Variants in MAPK6 observed in about 807,000 individuals in gnomAD.
MAPK6 encodes ERK-3.
Under a neutral mutation model 59.3 loss-of-function variants are expected in MAPK6, and 19 were observed. The observed-to-expected ratio is 0.32, with a 90% CI of 0.22 to 0.47. The LOEUF is 0.47. Among genes scored for constraint, MAPK6 ranks in the 20% least tolerant of loss-of-function variants. The pLI, the probability that MAPK6 is intolerant of heterozygous loss-of-function variation, is 1.00. For synonymous variants in MAPK6, 316 were observed against 290.3 expected, an observed-to-expected ratio of 1.09 and a Z score of -0.90; for missense variants, 724 against 847.9, an observed-to-expected ratio of 0.85 and a Z score of 1.81.
chr15:51,984,815 C>T (rs1051685779), intron 2 of MAPK6, among the ~76,000 whole-genome samples: 1 of 152,130 alleles, frequency 6.6e-6, no homozygotes, highest in Non-Finnish European at 1.5e-5. Context: ...ACACAATCAG[C>T]TTAAATGGGC....
intron 2 of MAPK6, among the ~76,000 whole-genome samples, chr15:52,048,539 T>C (rs948418041): frequency 1.3e-5 from 2 of 151,836 alleles, no homozygotes; most frequent in Non-Finnish European, 1.5e-5. Flanking sequence ...ATCCAGGAGG[T>C]GGAGGTTGCA....
At chr15:52,013,020 A>AATATATATATATATATATATAT (rs71130116) in intron 3 of MAPK6, among the ~76,000 whole-genome samples, 2 of 19,112 alleles carry the variant, frequency 1.0e-4, no homozygotes, top group Non-Finnish European at 1.9e-4. Flanking sequence ...AAAAAAAAAA[A>AATATATATATATATATATATAT]ATATATATAT....
At chr15:52,010,718 C>T (rs558359245) in intron 3 of MAPK6, among the ~76,000 whole-genome samples, 49 of 152,176 alleles carry the variant, frequency 3.2e-4, no homozygotes, top group Non-Finnish European at 5.6e-4. Context: ...GGGATTTTAC[C>T]ATGTTGGCTA....
chr15:51,977,057 G>T (rs919026881), intron 1 of MAPK6, among the ~76,000 whole-genome samples: 7 of 151,278 alleles, frequency 4.6e-5, no homozygotes, highest in Non-Finnish European at 7.4e-5. Flanking sequence ...AGGCTGGAGT[G>T]CAGTGGTACG....
At chr15:52,041,761 G>A (rs570235890) in intron 1 of MAPK6, among the ~76,000 whole-genome samples, 2 of 152,138 alleles carry the variant, frequency 1.3e-5, no homozygotes, top group South Asian at 4.2e-4. Context: ...AGCATGAGAG[G>A]CCTCTGCCTT....
At chr15:51,974,140 T>C (rs575390075) in intron 1 of MAPK6, among the ~76,000 whole-genome samples, 7 of 151,918 alleles carry the variant, frequency 4.6e-5, no homozygotes, top group Admixed American at 4.6e-4. Context: ...CTTAAAAAAA[T>C]ATATAGAAAC....
At chr15:52,025,264 A>T (rs1040631911) in intron 1 of MAPK6, among the ~76,000 whole-genome samples, 19 of 152,140 alleles carry the variant, frequency 1.2e-4, no homozygotes, top group African/African-American at 4.6e-4. Context: ...ATAAATAAAA[A>T]TTAAAATGAT....
chr15:52,058,901 A>G, intron 4 of MAPK6, 104 bp downstream of exon 4: 1 of 956,002 alleles, frequency 1.0e-6, no homozygotes, highest in Non-Finnish European at 1.5e-6. Context: ...GCTTTCTCCA[A>G]AATAGTCTTT....
chr15:52,048,968 T>TA (rs1270231593), intron 2 of MAPK6, among the ~76,000 whole-genome samples: 1 of 152,200 alleles, frequency 6.6e-6, no homozygotes, highest in Non-Finnish European at 1.5e-5. Flanking sequence ...ATAAGACTTA[T>TA]ACTATATAAA....
intron 2 of MAPK6, among the ~76,000 whole-genome samples, chr15:51,989,775 T>C (rs1011671744): frequency 6.6e-6 from 1 of 152,048 alleles, no homozygotes; most frequent in East Asian, 1.9e-4. Context: ...AATTTTTATT[T>C]TTTATTTTTG....
intron 1 of MAPK6, among the ~76,000 whole-genome samples, chr15:52,036,836 C>T (rs1489954285): frequency 1.3e-5 from 2 of 151,796 alleles, no homozygotes; most frequent in South Asian, 4.2e-4. Flanking sequence ...CCCCTCCCCT[C>T]CCCTTTTTTT....
rs912945389 is a variant in MAPK6 at position 52,066,641 on chromosome 15, C to A, written c.*1641C>A. 1.3e-5 allele frequency: 2 copies of A among 150,726 alleles called. No homozygotes were observed. The highest frequency in any genetic ancestry group is 3.0e-5 in the Non-Finnish European group (2 of 67,412). The allele number at this position is 150,726 out of a possible 1,614,324, so 9.3% of individuals were successfully genotyped here. ...CTGCCCACCTACCTTCTCAACAACT[C>A]CATCCTCTTCACCTCACTTTTCTTT... On this transcript the variant is annotated 3_prime_UTR_variant, in exon 6 of 6. Transcript: ENST00000261845.
intron 1 of MAPK6, among the ~76,000 whole-genome samples, chr15:52,036,522 C>A (rs1460183990): frequency 6.6e-6 from 1 of 152,188 alleles, no homozygotes; most frequent in Non-Finnish European, 1.5e-5. Context: ...AATAGGCCCA[C>A]TCCCACAATA....
chr15:51,998,708 T>TTTTTTTTTTTTTTTTTTTTTTA (rs71130113), intron 2 of MAPK6, among the ~76,000 whole-genome samples: 1 of 122,548 alleles, frequency 8.2e-6, no homozygotes. Context: ...TTTTTTTTTT[T>TTTTTTTTTTTTTTTTTTTTTTA]GAGACGGAGT....
In MAPK6 at chr15:52,065,841, A is replaced by C. The variant is rs951286020; in HGVS notation, c.*841A>C. ...GGCTGTCCACGTACTTAATTTACTTAAGTGTTCATTTTAAGTAACGTGCTC... is the reference window on the plus strand; with the variant it reads ...GGCTGTCCACGTACTTAATTTACTTCAGTGTTCATTTTAAGTAACGTGCTC... On this transcript the variant is annotated 3_prime_UTR_variant, in exon 6 of 6. Coordinates refer to ENST00000261845, the MANE Select transcript of MAPK6 (RefSeq NM_002748.4). 1 of 152,578 alleles carries C rather than the reference A, an allele frequency of 6.6e-6. No homozygotes were observed. The highest frequency in any genetic ancestry group is 2.4e-5 in the African/African-American group (1 of 41,420). 9.5% of individuals were successfully genotyped at this position (152,578 alleles called of 1,614,324 possible).
Position 52,008,311 on chromosome 15 carries a change from T to A in MAPK6, c.-632+3909T>A, listed in dbSNP as rs977315032. Among the ~76,000 whole-genome samples, 12 of 152,172 alleles carry A rather than the reference T, an allele frequency of 7.9e-5. 1 individual carries two copies. The highest frequency in any genetic ancestry group is 7.2e-4 in the Admixed American group (11 of 15,274). ...AAAGATATGATAGGGTACCGTGGTC[T>A]TTTATGTCTTAGAATGCCATTGCCT... On this transcript the variant is annotated intron_variant, in intron 3 of 7. Coordinates refer to the MAPK6 transcript ENST00000691380.
chr15:52,013,001 AAAAAAAAAAAAAAAAAAAAATATATATAT>A (rs1213984506), intron 3 of MAPK6, among the ~76,000 whole-genome samples: 298 of 27,048 alleles, frequency 0.011, 11 homozygotes, highest in Admixed American at 0.028. Flanking sequence ...AAAAAAAAAA[AAAAAAAAAAAAAAAAAAAAATATATATAT>A]ATATATATAT....
chr15:52,042,309 TAC>T (rs1177908337), intron 1 of MAPK6, among the ~76,000 whole-genome samples: 1 of 152,224 alleles, frequency 6.6e-6, no homozygotes, highest in Non-Finnish European at 1.5e-5. Context: ...CTAGTGGAAT[TAC>T]AGTTTGTTTT....
At chr15:51,980,639 G>A (rs1035635203) in intron 1 of MAPK6, among the ~76,000 whole-genome samples, 6 of 150,904 alleles carry the variant, frequency 4.0e-5, no homozygotes, top group Non-Finnish European at 7.4e-5. Flanking sequence ...TGCCCAGACT[G>A]GAGTGCAGTG....
Sources: allele counts gnomAD v4.1 joint callset (sites outside exome capture counted in the v4.1 genomes callset), GRCh38; gene constraint gnomAD v4.1.1; transcripts MANE v1.5; gene names NCBI Gene and HGNC (gene_info 2026-07-23, HGNC 2026-07-21).